The following MYO10 variants were observed in gnomAD, a reference collection of about 807,000 sequenced individuals.
MYO10 encodes myosin X.
In MYO10, 133 loss-of-function variants were observed where a neutral mutation model predicts 257.3. The ratio of observed to expected loss-of-function variants is 0.52; its 90% CI spans 0.45 to 0.60. MYO10 has a LOEUF of 0.60. Among genes scored for constraint, MYO10 ranks in the 20% least tolerant of loss-of-function variants. MYO10 has a pLI of 0.00. For missense variants in MYO10, 2,399 were observed against 2,635.7 expected (o/e 0.91, Z 1.97); for synonymous variants, 1,104 against 1,028.6 (o/e 1.07, Z -1.40).
intron 19 of MYO10, among the ~76,000 whole-genome samples, chr5:16,744,717 G>A (rs889000187): frequency 6.6e-6 from 1 of 151,614 alleles, no homozygotes; most frequent in African/African-American, 2.4e-5. Flanking sequence ...AGTCACAAAA[G>A]ATGAAACAGA....
chr5:16,852,953 G>A (rs967585446), intron 2 of MYO10, among the ~76,000 whole-genome samples: 7 of 152,222 alleles, frequency 4.6e-5, no homozygotes, highest in South Asian at 4.1e-4. Flanking sequence ...AACTGTCCAC[G>A]TCAGGACTAG....
Position 16,670,620 on chromosome 5 carries a change from T to C in MYO10, c.5789A>G (p.Lys1930Arg). The part of the protein sequence containing the change: ...ARASIIDKWR[K>R]FQGMNQEQAM... ...CTGTTCCTGGTTCATTCCCTGAAAT[T>C]TCCTCCACTTGTCAATGATACTGGC... is the stretch of plus-strand genomic sequence containing the variant. The change falls in exon 39 of 41, where the codon AAA becomes AGA. Residue 1930 changes from lysine (K) to arginine (R), a missense_variant. Lys to Arg is a conservative substitution (Grantham distance 26). This residue lies in a region of MYO10 where 1,820 missense variants were observed against 1,939.4 expected (regional missense o/e 0.94). Transcript: ENST00000513610. 6.2e-7 allele frequency: 1 copy of C among 1,614,014 alleles called. No individual in the cohort carries two copies. The highest frequency in any genetic ancestry group is 8.5e-7 in the Non-Finnish European group (1 of 1,179,868).
chr5:16,932,759 A>G (rs1231660627), intron 1 of MYO10, among the ~76,000 whole-genome samples: 1 of 149,610 alleles, frequency 6.7e-6, no homozygotes, highest in Non-Finnish European at 1.5e-5. Flanking sequence ...GACACTATCT[A>G]TCTAATTAAT....
At chr5:16,736,194 G>A (rs1300749742) in intron 19 of MYO10, among the ~76,000 whole-genome samples, 7 of 152,190 alleles carry the variant, frequency 4.6e-5, no homozygotes, top group African/African-American at 1.7e-4. Context: ...AAGAAGAATG[G>A]ATGTGCTGTG....
At chr5:16,731,311 G>A (rs1404830779) in intron 19 of MYO10, among the ~76,000 whole-genome samples, 2 of 151,384 alleles carry the variant, frequency 1.3e-5, no homozygotes, top group African/African-American at 2.4e-5. Flanking sequence ...CCAAAGTGCT[G>A]GGATTACAGG....
chr5:16,899,728 T>G (rs1367403805), intron 1 of MYO10, among the ~76,000 whole-genome samples: 2 of 151,902 alleles, frequency 1.3e-5, no homozygotes, highest in African/African-American at 4.8e-5. Context: ...CCAGGTGCAG[T>G]GGCTCTCGCC....
Position 16,761,461 on chromosome 5 carries a change from T to C in MYO10, c.1739+3A>G. 6.2e-7 allele frequency: 1 copy of C among 1,608,418 alleles called. No homozygotes were observed. The highest frequency in any genetic ancestry group is 8.5e-7 in the Non-Finnish European group (1 of 1,175,094). On this transcript the variant is annotated splice_donor_region_variant and intron_variant, in intron 17 of 40. Transcript: ENST00000513610. ...GTACTTCTCGGTGAGAAGACTGACA[T>C]ACCGGCTTTCTCTTAGCAAATTGAG...
At chr5:16,854,861 A>C (rs187715557) in intron 2 of MYO10, among the ~76,000 whole-genome samples, 1,917 of 152,092 alleles carry the variant, frequency 0.013, 20 homozygotes, top group South Asian at 0.025. Flanking sequence ...GTGAAACTCT[A>C]TCTCTACTAA....
chr5:16,909,321 C>T (rs997230879), intron 1 of MYO10, among the ~76,000 whole-genome samples: 4 of 152,076 alleles, frequency 2.6e-5, no homozygotes, highest in South Asian at 2.1e-4. Context: ...AGCCTGACCA[C>T]ATGGTGAAAC....
chr5:16,870,285 C>T (rs1312740877), intron 2 of MYO10, among the ~76,000 whole-genome samples: 1 of 151,446 alleles, frequency 6.6e-6, no homozygotes, highest in Non-Finnish European at 1.5e-5. Context: ...CTCCAAAACA[C>T]TAATACTGGT....
rs558553815 is a variant in MYO10 at position 16,740,658 on chromosome 5, A to G, written c.1929+14170T>C. 3.9e-5 allele frequency among the ~76,000 whole-genome samples: 6 copies of G among 152,236 alleles called. No individual in the cohort carries two copies. The South Asian group carries it at 1.2e-3, about 32-fold the overall frequency. The stretch of plus-strand genomic sequence containing the variant: ...CCGAGGCATTCAGCAGAGAGAGGGA[A>G]GCACTTCTGTATTCCATCATTCCAG... On this transcript the variant is annotated intron_variant, in intron 19 of 40. Transcript: ENST00000513610.
At chr5:16,777,086 T>C (rs1396988697) in intron 9 of MYO10, among the ~76,000 whole-genome samples, 1 of 151,786 alleles carries the variant, frequency 6.6e-6, no homozygotes, top group Non-Finnish European at 1.5e-5. Context: ...TGATGGAAGG[T>C]TTGAGTAGTG....
chr5:16,729,883 T>A (rs951358197), intron 19 of MYO10, among the ~76,000 whole-genome samples: 6 of 152,038 alleles, frequency 3.9e-5, no homozygotes, highest in Non-Finnish European at 8.8e-5. Flanking sequence ...GGCCCAGTCC[T>A]GGCCAAAGAA....
At chr5:16,886,188 G>A (rs1561038973) in intron 1 of MYO10, among the ~76,000 whole-genome samples, 2 of 152,194 alleles carry the variant, frequency 1.3e-5, no homozygotes, top group African/African-American at 2.4e-5. Context: ...CGGAGCTGAA[G>A]GAGATGGCAA....
intron 1 of MYO10, chr5:16,915,913 C>T (rs555519116): frequency 1.2e-4 from 49 of 392,976 alleles, no homozygotes; most frequent in South Asian, 6.6e-4. Context: ...GCTGAAATTG[C>T]GCCACTGCAC....
At chr5:16,689,788 G>T in intron 28 of MYO10, 36 bp downstream of exon 28, 1 of 1,507,810 alleles carries the variant, frequency 6.6e-7, no homozygotes, top group South Asian at 1.1e-5. Flanking sequence ...GAGGGAGCAG[G>T]ATGTGGGTAA....
chr5:16,679,530 T>G (rs1166027892), intron 33 of MYO10, among the ~76,000 whole-genome samples: 3 of 149,868 alleles, frequency 2.0e-5, no homozygotes, highest in Admixed American at 6.6e-5. Flanking sequence ...GGGTGTTTTT[T>G]TTTTTTTTTT....
intron 1 of MYO10, among the ~76,000 whole-genome samples, chr5:16,917,522 C>A (rs1378914774): frequency 6.6e-6 from 1 of 151,976 alleles, no homozygotes; most frequent in Non-Finnish European, 1.5e-5. Flanking sequence ...CCCGGTGAGG[C>A]AAAAGTGCCT....
chr5:16,902,449 G>A (rs1745407764), intron 1 of MYO10: 5 of 1,284,762 alleles, frequency 3.9e-6, no homozygotes, highest in East Asian at 2.3e-5. Flanking sequence ...TACAGCTTGG[G>A]AAGCACATAG....
Sources: allele counts gnomAD v4.1 joint callset (sites outside exome capture counted in the v4.1 genomes callset), GRCh38; gene constraint gnomAD v4.1.1; regional missense constraint gnomAD v4.1.1; transcripts MANE v1.5; gene names NCBI Gene and HGNC (gene_info 2026-07-23, HGNC 2026-07-21).